Variants in SPARCL1 observed in about 807,000 individuals in gnomAD.
The protein encoded by SPARCL1 is SPARC-like protein 1.
SPARCL1 carries 52 observed loss-of-function variants against 67.1 expected under a neutral mutation model. The observed-to-expected ratio is 0.78, with a 90% CI of 0.62 to 0.98. SPARCL1 has a LOEUF of 0.98. Ranked by LOEUF, SPARCL1 falls within the 50% of genes least tolerant of loss-of-function variation. The probability of loss-of-function intolerance (pLI) is 0.00; values close to 1 mark genes in which losing one functional copy is unlikely to be tolerated. For missense variants in SPARCL1, 717 were observed against 782.4 expected (o/e 0.92, Z 1.00); for synonymous variants, 226 against 267.8 (o/e 0.84, Z 1.52).
At chr4:87,513,110 T>C (rs1725440921) in intron 1 of SPARCL1, among the ~76,000 whole-genome samples, 1 of 152,218 alleles carries the variant, frequency 6.6e-6, no homozygotes, top group Non-Finnish European at 1.5e-5. Flanking sequence ...TGTAAGGATG[T>C]CTTGAGGCAG....
At chr4:87,503,384 T>C (rs1724926810) in intron 1 of SPARCL1, among the ~76,000 whole-genome samples, 1 of 152,208 alleles carries the variant, frequency 6.6e-6, no homozygotes, top group South Asian at 2.1e-4. Context: ...TCTAAGTCAG[T>C]CTTCCATCTT....
At chr4:87,475,232 C>G (rs765480722) in intron 10 of SPARCL1, among the ~76,000 whole-genome samples, 1 of 152,156 alleles carries the variant, frequency 6.6e-6, no homozygotes, top group Non-Finnish European at 1.5e-5. Context: ...ACTTCCATGT[C>G]TACCATTCCA....
rs192119367 is a variant in SPARCL1, at chr4:87,503,433, T to A, written c.-11-3848A>T. 2.4e-3 allele frequency among the ~76,000 whole-genome samples: 370 copies of A among 152,288 alleles called. 2 individuals carry two copies. Among genetic ancestry groups the A allele is most frequent in the South Asian group, 0.019 (90 of 4,828 alleles). On this transcript the variant is annotated intron_variant, in intron 1 of 10. Transcript: ENST00000282470. Reference sequence around the variant, plus strand: ...GACACTTGTCTTCTTTGTCTCCTCTTCTTTTATCTCAGTCACTGTGAGTCT... The same window carrying A: ...GACACTTGTCTTCTTTGTCTCCTCTACTTTTATCTCAGTCACTGTGAGTCT...
intron 3 of SPARCL1, 75 bp from the exon 4 acceptor site, chr4:87,494,673 A>G: frequency 1.7e-6 from 2 of 1,180,572 alleles, no homozygotes; most frequent in Non-Finnish European, 1.2e-6. Flanking sequence ...AACATTTAAT[A>G]TTCATTATTC....
At chr4:87,523,257 T>A (rs1171450093) in intron 1 of SPARCL1, among the ~76,000 whole-genome samples, 5 of 89,298 alleles carry the variant, frequency 5.6e-5, no homozygotes, top group Non-Finnish European at 1.0e-4. Flanking sequence ...TGAGACTCTG[T>A]CTCAAAAAAA....
intron 1 of SPARCL1, among the ~76,000 whole-genome samples, chr4:87,509,381 C>T (rs1725253898): frequency 6.6e-6 from 1 of 152,164 alleles, no homozygotes; most frequent in East Asian, 1.9e-4. Flanking sequence ...GGAAGTGGCA[C>T]AGCAGATATT....
intron 1 of SPARCL1, chr4:87,504,733 C>A (rs1268220407): frequency 6.6e-6 from 1 of 152,154 alleles, no homozygotes; most frequent in East Asian, 1.9e-4. Context: ...AACAAAAAAA[C>A]CACCATTGTG....
intron 4 of SPARCL1, among the ~76,000 whole-genome samples, chr4:87,492,859 A>C (rs1305716084): frequency 1.3e-5 from 2 of 152,180 alleles, no homozygotes; most frequent in Non-Finnish European, 2.9e-5. Context: ...ATCCTGCTGT[A>C]GTTTCCAGAT....
chr4:87,505,218 TA>T (rs1419752623), intron 1 of SPARCL1, among the ~76,000 whole-genome samples: 2 of 152,200 alleles, frequency 1.3e-5, no homozygotes, highest in East Asian at 3.8e-4. Flanking sequence ...TTTAGGATTC[TA>T]AAATTGAAAA....
At chr4:87,479,372 G>T (rs1300690249) in intron 10 of SPARCL1, 58 bp downstream of exon 10, 37 of 1,567,006 alleles carry the variant, frequency 2.4e-5, no homozygotes, top group Non-Finnish European at 5.2e-6. Context: ...AGCATGCAGG[G>T]CTTAGGGCTT....
intron 1 of SPARCL1, among the ~76,000 whole-genome samples, chr4:87,513,405 A>G (rs1038238958): frequency 3.3e-5 from 5 of 152,258 alleles, no homozygotes; most frequent in African/African-American, 1.2e-4. Context: ...GCTACAGACT[A>G]GAAGCCAGAA....
chr4:87,483,744 C>A lies in SPARCL1; in HGVS notation c.1532-1184G>T, dbSNP rs182294126. ...TATTTCTTCACATCCTCTCCAGTAT[C>A]TGTTGTTTCCTGACTTTTTAATGAT... is the stretch of plus-strand genomic sequence containing the variant. On this transcript the variant is annotated intron_variant, in intron 7 of 10. Coordinates refer to ENST00000282470, the MANE Select transcript of SPARCL1 (RefSeq NM_004684.6). Among the ~76,000 whole-genome samples, 432 of 152,318 alleles carry A rather than the reference C, an allele frequency of 2.8e-3. 5 individuals carry two copies. The highest frequency in any genetic ancestry group is 9.9e-3 in the African/African-American group (410 of 41,584).
In SPARCL1 at chr4:87,486,888, C is replaced by CTTTTTTTTTTTTTTTTTTTTTTTT. The variant is rs57597004; in HGVS notation, c.1531+3361_1531+3384dup. Among the ~76,000 whole-genome samples, 9 of 27,968 alleles carry CTTTTTTTTTTTTTTTTTTTTTTTT rather than the reference C, an allele frequency of 3.2e-4. 3 individuals are homozygous for CTTTTTTTTTTTTTTTTTTTTTTTT. The highest frequency in any genetic ancestry group is 5.7e-4 in the Non-Finnish European group (8 of 14,154). The allele number at this position is 27,968 out of a possible 152,430, so 18.3% of individuals were successfully genotyped here. ...TCTGAGGCTAGTATTGCAATTCCTG[C>CTTTTTTTTTTTTTTTTTTTTTTTT]TTTTTTTTTTTTTTTTTTTTTTTTT... On this transcript the variant is annotated intron_variant, in intron 7 of 10. Coordinates refer to ENST00000282470, the MANE Select transcript of SPARCL1 (RefSeq NM_004684.6).
At chr4:87,522,302 C>T (rs1725849744) in intron 1 of SPARCL1, among the ~76,000 whole-genome samples, 1 of 151,950 alleles carries the variant, frequency 6.6e-6, no homozygotes, top group Non-Finnish European at 1.5e-5. Flanking sequence ...CTTCAACTGC[C>T]CATCATCCTT....
At chr4:87,480,761 A>G (rs896468403) in intron 8 of SPARCL1, among the ~76,000 whole-genome samples, 2 of 151,682 alleles carry the variant, frequency 1.3e-5, no homozygotes, top group African/African-American at 2.4e-5. Flanking sequence ...TTCTTTTTTA[A>G]ACTTTTAAAT....
chr4:87,508,889 G>GTATATATATA (rs142792848), intron 1 of SPARCL1, among the ~76,000 whole-genome samples: 3,928 of 138,250 alleles, frequency 0.028, 89 homozygotes, highest in South Asian at 0.066. Flanking sequence ...ATGTATATAA[G>GTATATATATA]TATATATATA....
At chr4:87,520,540 G>A (rs568244747) in intron 1 of SPARCL1, among the ~76,000 whole-genome samples, 2 of 152,308 alleles carry the variant, frequency 1.3e-5, no homozygotes, top group South Asian at 4.1e-4. Context: ...AGCAAGGCAA[G>A]CCAAGGTCAT....
intron 10 of SPARCL1, among the ~76,000 whole-genome samples, chr4:87,479,081 T>C (rs1224815768): frequency 6.6e-6 from 1 of 152,170 alleles, no homozygotes; most frequent in Non-Finnish European, 1.5e-5. Context: ...TTTTGAAAAG[T>C]TTGGCCCAAG....
At chr4:87,508,587 C>T (rs1348342753) in intron 1 of SPARCL1, among the ~76,000 whole-genome samples, 1 of 151,818 alleles carries the variant, frequency 6.6e-6, no homozygotes, top group Non-Finnish European at 1.5e-5. Flanking sequence ...CCTACAATCA[C>T]ACAAGGTAGG....
Sources: allele counts gnomAD v4.1 joint callset (sites outside exome capture counted in the v4.1 genomes callset), GRCh38; gene constraint gnomAD v4.1.1; transcripts MANE v1.5; gene names NCBI Gene and HGNC (gene_info 2026-07-23, HGNC 2026-07-21).